The following ILF2 variants were observed in gnomAD, a reference collection of about 807,000 sequenced individuals.
The protein encoded by ILF2 is interleukin enhancer-binding factor 2.
ILF2 carries 9 observed loss-of-function variants against 55.3 expected under a neutral mutation model. The observed-to-expected ratio is 0.16, with a 90% CI of 0.10 to 0.28. The LOEUF (loss-of-function observed/expected upper bound fraction) is 0.28. ILF2 is among the 10% of genes least tolerant of loss of function. The pLI is 1.00. For missense variants in ILF2, 266 were observed against 474.9 expected (o/e 0.56, Z 4.09); for synonymous variants, 151 against 161.8 (o/e 0.93, Z 0.50).
rs778441059 is a variant in ILF2 at position 153,667,537 on chromosome 1, A to G, written c.394+18T>C. On this transcript the variant is annotated intron_variant, in intron 6 of 13. Coordinates refer to ENST00000361891, the MANE Select transcript of ILF2 (RefSeq NM_004515.4). ...AGTGCTATGTTCTGTTCCCATGACC[A>G]GAAACAGGCACACTCACACGTTGGC... 8 of 1,533,646 alleles carry G rather than the reference A, an allele frequency of 5.2e-6. No homozygotes were observed. The East Asian group carries it at 1.8e-4, about 34-fold the overall frequency.
At chr1:153,668,851 C>T (rs1481576989) in intron 3 of ILF2, among the ~76,000 whole-genome samples, 4 of 151,366 alleles carry the variant, frequency 2.6e-5, no homozygotes, top group Admixed American at 1.3e-4. Flanking sequence ...GAGCCAAGAT[C>T]GCGCCATTGC....
intron 9 of ILF2, 41 bp downstream of exon 9, chr1:153,664,354 TA>T (rs1467375033): frequency 7.3e-6 from 11 of 1,516,300 alleles, no homozygotes; most frequent in Non-Finnish European, 1.0e-5. Context: ...TCACTGCAGT[TA>T]AAAAGTTTAT....
rs1669458006 is a variant in ILF2, at chr1:153,670,993, G to A, written c.-71C>T. The stretch of plus-strand genomic sequence containing the variant: ...CCTCTGAGTAGCAGACAACTGAAGA[G>A]GCGTCTTGCCGGCGTGTCCCAATAA... On this transcript the variant is annotated 5_prime_UTR_variant, in exon 1 of 14. Coordinates refer to ENST00000361891, the MANE Select transcript of ILF2 (RefSeq NM_004515.4). 6 of 1,596,920 alleles carry A rather than the reference G, an allele frequency of 3.8e-6. No homozygotes were observed. The highest frequency in any genetic ancestry group is 1.7e-4 in the Middle Eastern group (1 of 6,030).
chr1:153,666,949 C>T (rs187159759), intron 6 of ILF2, among the ~76,000 whole-genome samples: 1 of 151,970 alleles, frequency 6.6e-6, no homozygotes, highest in East Asian at 1.9e-4. Flanking sequence ...TGGTGAAACC[C>T]CGTCTCTACT....
At chr1:153,670,092 A>T in intron 2 of ILF2, 79 bp downstream of exon 2, 1 of 1,436,536 alleles carries the variant, frequency 7.0e-7, no homozygotes, top group Non-Finnish European at 9.8e-7. Flanking sequence ...AAGTGACATT[A>T]GTCTACTCTA....
At chr1:153,668,612 G>T in intron 3 of ILF2, 55 bp from the exon 4 acceptor site, 1 of 1,529,640 alleles carries the variant, frequency 6.5e-7, no homozygotes, top group Non-Finnish European at 8.8e-7. Flanking sequence ...ATACAGGAGA[G>T]ATTGTTTTTT....
At chr1:153,665,507 C>G in intron 7 of ILF2, 156 bp downstream of exon 7, 2 of 776,956 alleles carry the variant, frequency 2.6e-6, no homozygotes, top group South Asian at 3.0e-5. Context: ...CCTTGAACAC[C>G]TTGAACACCT....
intron 3 of ILF2, among the ~76,000 whole-genome samples, chr1:153,669,594 A>C (rs754335435): frequency 2.6e-5 from 4 of 151,902 alleles, no homozygotes; most frequent in Admixed American, 1.3e-4. Flanking sequence ...GGGATTAGAC[A>C]CATGCCCAGC....
chr1:153,670,294 T>G (rs1669410617), intron 1 of ILF2, 64 bp from the exon 2 acceptor site: 1 of 1,545,618 alleles, frequency 6.5e-7, no homozygotes, highest in African/African-American at 1.4e-5. Context: ...TCATCTTAGG[T>G]TGGCTACTTT....
Position 153,668,458 on chromosome 1 carries a change from C to G in ILF2, c.208G>C (p.Glu70Gln), listed in dbSNP as rs1419839930. ...RNQDLAPNSA[E>Q]QASILSLVTK... ...AGACAGCCAAAAGAACATACCTGTTCAGCAGAATTGGGAGCCAGGTCCTGA... is the reference window on the plus strand; with the variant it reads ...AGACAGCCAAAAGAACATACCTGTTGAGCAGAATTGGGAGCCAGGTCCTGA... Residue 70 changes from glutamate to glutamine, a missense_variant, in exon 4 of 14, where the codon GAA becomes CAA. Glu to Gln is a conservative substitution (Grantham distance 29, BLOSUM62 2). Coordinates refer to ENST00000361891, the MANE Select transcript of ILF2 (RefSeq NM_004515.4). 3 of 1,614,022 alleles carry G rather than the reference C, an allele frequency of 1.9e-6. No individual in the cohort carries two copies. The highest frequency in any genetic ancestry group is 2.5e-6 in the Non-Finnish European group (3 of 1,180,018).
intron 13 of ILF2, 38 bp from the exon 14 acceptor site, chr1:153,662,594 A>G: frequency 6.3e-7 from 1 of 1,589,578 alleles, no homozygotes; most frequent in Non-Finnish European, 8.6e-7. Context: ...CGAGTAGCCC[A>G]GCATAAAAGT....
Position 153,665,212 on chromosome 1 carries a change from GAACT to G in ILF2, c.577+4_577+7del. On this transcript the variant is annotated splice_donor_5th_base_variant and intron_variant, in intron 8 of 13. Coordinates refer to ENST00000361891, the MANE Select transcript of ILF2 (RefSeq NM_004515.4). ...AAATTTTCCAGCAATGGAAAAAAAA[GAACT>G]AACAATGGAGTTCTGGATCCAGTTT... 1.3e-6 allele frequency: 2 copies of G among 1,502,458 alleles called. No homozygotes were observed. Among genetic ancestry groups the G allele is most frequent in the Non-Finnish European group, 9.3e-7 (1 of 1,079,518 alleles). 93.1% of individuals were successfully genotyped at this position (1,502,458 alleles called of 1,614,324 possible). A position where few individuals can be genotyped will look rare whatever the true frequency, so the allele number is the denominator to read the frequency against.
chr1:153,665,474 A>C, intron 7 of ILF2, 138 bp from the exon 8 acceptor site: 1 of 759,748 alleles, frequency 1.3e-6, no homozygotes, highest in South Asian at 1.6e-5. Context: ...ACAGAGCTTT[A>C]GAAGGGAGAT....
chr1:153,670,094 T>A, intron 2 of ILF2, 77 bp downstream of exon 2: 1 of 1,461,950 alleles, frequency 6.8e-7, no homozygotes, highest in South Asian at 1.1e-5. Flanking sequence ...GTGACATTAG[T>A]CTACTCTAAA....
Position 153,662,336 on chromosome 1 carries a change from G to A in ILF2, c.*60C>T. On this transcript the variant is annotated 3_prime_UTR_variant, in exon 14 of 14. Transcript: ENST00000361891. ...AATGTCTGTCACCATGTAAAGCCCA[G>A]TAGCAGGCAGCTTAGGCTCCAGTCT... The A allele has an allele frequency of 6.2e-7, 1 of 1,606,310 alleles. No individual in the cohort carries two copies. Among genetic ancestry groups the A allele is most frequent in the Admixed American group, 1.7e-5 (1 of 59,328 alleles).
In ILF2 at chr1:153,668,102, T is replaced by G. The variant is rs377761175; in HGVS notation, c.214-25A>C. On this transcript the variant is annotated intron_variant, in intron 4 of 13. Transcript: ENST00000361891. ...CCTGAAAAACAGTATGAAACAATAC[T>G]TGAAAATGAAAAATTATAAGCAATT... 3.3e-6 allele frequency: 5 copies of G among 1,508,408 alleles called. No individual in the cohort carries two copies. In the African/African-American group the frequency reaches 7.0e-5, roughly 21 times the overall value. The allele number at this position is 1,508,408 out of a possible 1,614,324, so 93.4% of individuals were successfully genotyped here.
chr1:153,664,073 C>T lies in ILF2; in HGVS notation c.714G>A (p.Glu238=). 1 of 1,613,584 alleles carries T rather than the reference C, an allele frequency of 6.2e-7. No individual in the cohort carries two copies. Residue 238 remains glutamate (E), a synonymous_variant, in exon 10 of 14, where the codon GAG becomes GAA. Transcript: ENST00000361891. ...GGTCAAGGATCCAGGGTGTGAGGGG[C>T]TCAAAGCCAGGAAAACGAATCCTCA... is the stretch of plus-strand genomic sequence containing the variant. ...KDLRIRFPGF[E]PLTPWILDLL...
chr1:153,662,179 G>C lies in ILF2; in HGVS notation c.*217C>G. On this transcript the variant is annotated 3_prime_UTR_variant, in exon 14 of 14. Transcript: ENST00000361891. ...TTATAGAATATTAGGAAGAAATGTTGGTATCCTCCATTATAGATGGATGGC... is the reference window on the plus strand; with the variant it reads ...TTATAGAATATTAGGAAGAAATGTTCGTATCCTCCATTATAGATGGATGGC... 1 of 515,928 alleles carries C rather than the reference G, an allele frequency of 1.9e-6. No individual in the cohort carries two copies. Among genetic ancestry groups the C allele is most frequent in the Non-Finnish European group, 3.4e-6 (1 of 290,944 alleles). 32.0% of individuals were successfully genotyped at this position (515,928 alleles called of 1,614,324 possible).
At chr1:153,668,404 C>T in intron 4 of ILF2, 49 bp downstream of exon 4, 1 of 1,609,264 alleles carries the variant, frequency 6.2e-7, no homozygotes, top group Non-Finnish European at 8.5e-7. Context: ...TTTACCAATA[C>T]TTTTAACTGC....
Sources: allele counts gnomAD v4.1 joint callset (sites outside exome capture counted in the v4.1 genomes callset), GRCh38; gene constraint gnomAD v4.1.1; transcripts MANE v1.5; gene names NCBI Gene and HGNC (gene_info 2026-07-23, HGNC 2026-07-21).